The following CAMK2D variants were observed in gnomAD, a reference collection of about 807,000 sequenced individuals.
CAMK2D encodes calcium/calmodulin dependent protein kinase II delta.
CAMK2D carries 37 observed loss-of-function variants against 84.0 expected under a neutral mutation model. The observed-to-expected ratio is 0.44, with a 90% confidence interval of 0.34 to 0.58. The LOEUF (loss-of-function observed/expected upper bound fraction) is 0.58, where lower values mean the gene tolerates loss of function less well. Among genes scored for constraint, CAMK2D ranks in the 20% least tolerant of loss-of-function variants. CAMK2D has a pLI of 0.02. For missense variants in CAMK2D, 448 were observed against 652.5 expected, an observed-to-expected ratio of 0.69 and a Z score of 3.41; for synonymous variants, 202 against 212.5, an observed-to-expected ratio of 0.95 and a Z score of 0.43.
At chr4:113,485,928 C>G (rs969592977) in intron 16 of CAMK2D, among the ~76,000 whole-genome samples, 1 of 152,142 alleles carries the variant, frequency 6.6e-6, no homozygotes, top group African/African-American at 2.4e-5. Context: ...TGTTTCTCCT[C>G]TCGCACCTTC....
At chr4:113,486,936 T>A (rs553120969) in intron 16 of CAMK2D, among the ~76,000 whole-genome samples, 110 of 152,364 alleles carry the variant, frequency 7.2e-4, no homozygotes, top group African/African-American at 2.3e-3. Context: ...TCTTGTAGAA[T>A]CATCTTTCTT....
intron 2 of CAMK2D, among the ~76,000 whole-genome samples, chr4:113,680,702 G>T (rs1050585212): frequency 6.6e-6 from 1 of 152,184 alleles, no homozygotes; most frequent in African/African-American, 2.4e-5. Flanking sequence ...GAGGAAATCT[G>T]CCTAGTCACA....
chr4:113,578,216 T>TA (rs1202674398), intron 4 of CAMK2D, among the ~76,000 whole-genome samples: 2 of 152,206 alleles, frequency 1.3e-5, no homozygotes, highest in Non-Finnish European at 2.9e-5. Context: ...AATCCTGTCA[T>TA]AGTCAGCCCC....
chr4:113,605,191 C>A (rs576805892), intron 4 of CAMK2D, among the ~76,000 whole-genome samples: 1 of 152,204 alleles, frequency 6.6e-6, no homozygotes, highest in Admixed American at 6.5e-5. Flanking sequence ...AGAAACAGAT[C>A]TTACTAAAAT....
At chr4:113,519,764 T>C (rs6842409) in intron 8 of CAMK2D, among the ~76,000 whole-genome samples, 5,107 of 152,256 alleles carry the variant, frequency 0.034, 231 homozygotes, top group African/African-American at 0.11. Context: ...TTCAGAGTTA[T>C]GTGTGCTTTA....
In CAMK2D at chr4:113,629,785, TAA is replaced by T. The variant is rs75795050; in HGVS notation, c.221-20581_221-20580del. On this transcript the variant is annotated intron_variant, in intron 3 of 20. Coordinates refer to ENST00000511664, the MANE Select transcript of CAMK2D (RefSeq NM_001321571.2). Reference sequence around the variant, plus strand: ...CTTGTCAATTGGATTATGTTCTTGGTAAAAAAAAAAAAAAAATAGAAAGGGAG... The same window carrying T: ...CTTGTCAATTGGATTATGTTCTTGGTAAAAAAAAAAAAAATAGAAAGGGAG... 5.8e-3 allele frequency among the ~76,000 whole-genome samples: 771 copies of T among 132,580 alleles called. 8 individuals are homozygous for T. Among genetic ancestry groups the T allele is most frequent in the African/African-American group, 0.018 (671 of 36,346 alleles). The allele number at this position is 132,580 out of a possible 152,430, so 87.0% of individuals were successfully genotyped here.
intron 3 of CAMK2D, among the ~76,000 whole-genome samples, chr4:113,617,908 T>TCATACACA (rs1554008456): frequency 2.0e-5 from 3 of 150,180 alleles, no homozygotes; most frequent in African/African-American, 4.9e-5. Context: ...TTTGCTTGGG[T>TCATACACA]CATACACACA....
intron 10 of CAMK2D, among the ~76,000 whole-genome samples, chr4:113,514,494 A>G (rs1235747086): frequency 6.6e-6 from 1 of 152,216 alleles, no homozygotes; most frequent in African/African-American, 2.4e-5. Context: ...AATGTCTTCA[A>G]TCACATTTTG....
intron 3 of CAMK2D, among the ~76,000 whole-genome samples, chr4:113,646,202 G>A (rs906025883): frequency 6.6e-6 from 1 of 152,148 alleles, no homozygotes; most frequent in Admixed American, 6.5e-5. Context: ...CTTAATAGAA[G>A]TGTTTGTTCC....
At chr4:113,485,020 C>T (rs548911578) in intron 16 of CAMK2D, among the ~76,000 whole-genome samples, 1 of 152,210 alleles carries the variant, frequency 6.6e-6, no homozygotes, top group East Asian at 1.9e-4. Context: ...CCATAAATCC[C>T]CACGTGGTTC....
chr4:113,625,454 GC>G (rs1319111914), intron 3 of CAMK2D, among the ~76,000 whole-genome samples: 9 of 152,132 alleles, frequency 5.9e-5, no homozygotes, highest in Admixed American at 3.9e-4. Context: ...TTTGGGAAAA[GC>G]ATCACTGATA....
chr4:113,656,108 T>C (rs1046453641), intron 3 of CAMK2D, among the ~76,000 whole-genome samples: 2 of 152,154 alleles, frequency 1.3e-5, no homozygotes, highest in Non-Finnish European at 2.9e-5. Flanking sequence ...AATAAGCCAA[T>C]TTTATTAAAA....
At position 113,568,980 on chromosome 4, in the gene CAMK2D, C is replaced by T. The variant is rs547985760; in HGVS notation, c.276-16884G>A. The stretch of plus-strand genomic sequence containing the variant: ...AGTTACAGAAGTTCTTTATATATTC[C>T]GGATATTAACCCCTTACTAGATGTA... On this transcript the variant is annotated intron_variant, in intron 4 of 20. Transcript: ENST00000511664. Among the ~76,000 whole-genome samples the T allele has an allele frequency of 1.6e-4, 25 of 151,706 alleles. No homozygotes were observed. In the South Asian group the frequency reaches 2.1e-3, roughly 13 times the overall value.
intron 4 of CAMK2D, among the ~76,000 whole-genome samples, chr4:113,569,149 C>T (rs538475731): frequency 6.6e-6 from 1 of 152,264 alleles, no homozygotes; most frequent in South Asian, 2.1e-4. Context: ...TCCCAAAGTG[C>T]TGTGATTAGA....
intron 16 of CAMK2D, among the ~76,000 whole-genome samples, chr4:113,496,472 A>C (rs2097934047): frequency 7.1e-6 from 1 of 141,048 alleles, no homozygotes; most frequent in African/African-American, 2.6e-5. Context: ...TTTTTAAAGC[A>C]AAGTCTCACT....
At chr4:113,628,336 A>T (rs2099076009) in intron 3 of CAMK2D, among the ~76,000 whole-genome samples, 1 of 152,222 alleles carries the variant, frequency 6.6e-6, no homozygotes, top group Non-Finnish European at 1.5e-5. Flanking sequence ...AAGGAAATAA[A>T]AAAGAAATAG....
chr4:113,594,729 T>C (rs1053261156), intron 4 of CAMK2D, among the ~76,000 whole-genome samples: 1 of 151,568 alleles, frequency 6.6e-6, no homozygotes, highest in Non-Finnish European at 1.5e-5. Flanking sequence ...CTTCTAAAAC[T>C]GAAGAGCAAA....
intron 12 of CAMK2D, 92 bp downstream of exon 12, chr4:113,513,236 T>G: frequency 6.3e-7 from 1 of 1,574,928 alleles, no homozygotes; most frequent in South Asian, 1.2e-5. Context: ...GTTTTTCTAA[T>G]TATTAGATTT....
chr4:113,583,775 C>T (rs2098821757), intron 4 of CAMK2D, among the ~76,000 whole-genome samples: 1 of 152,142 alleles, frequency 6.6e-6, no homozygotes, highest in South Asian at 2.1e-4. Flanking sequence ...TTTCATATTA[C>T]ACACACATGT....
Sources: gnomAD v4.1 joint callset for allele counts (sites outside exome capture counted in the v4.1 genomes callset) on GRCh38, gnomAD v4.1.1 for gene constraint, MANE v1.5 for transcripts, NCBI Gene and HGNC (gene_info 2026-07-23, HGNC 2026-07-21) for gene names.